The following ABCA13 variants were observed in gnomAD, a reference collection of about 807,000 sequenced individuals.
ABCA13 encodes ATP-binding cassette sub-family A member 13.
Under a neutral mutation model 478.7 loss-of-function variants are expected in ABCA13, and 476 were observed. The ratio of observed to expected loss-of-function variants is 0.99; its 90% CI spans 0.92 to 1.07. ABCA13 has a LOEUF of 1.07. Among genes scored for constraint, ABCA13 ranks in the 50% least tolerant of loss-of-function variants. The pLI is 0.00. For synonymous variants in ABCA13, 2,252 were observed against 2,158.9 expected, an observed-to-expected ratio of 1.04 and a Z score of -1.20; for missense variants, 6,060 against 5,910.6, an observed-to-expected ratio of 1.03 and a Z score of -0.83.
intron 39 of ABCA13, chr7:48,404,131 A>G: frequency 2.4e-6 from 1 of 419,696 alleles, no homozygotes; most frequent in South Asian, 1.9e-5. Flanking sequence ...ATTATACATT[A>G]TCATACATGA....
intron 58 of ABCA13, among the ~76,000 whole-genome samples, chr7:48,612,677 T>A (rs1203099539): frequency 6.6e-6 from 1 of 152,222 alleles, no homozygotes; most frequent in East Asian, 1.9e-4. Flanking sequence ...TTAACCTGTT[T>A]CCAGATGCTT....
intron 1 of ABCA13, among the ~76,000 whole-genome samples, chr7:48,187,115 G>C (rs996837701): frequency 4.0e-5 from 6 of 148,536 alleles, no homozygotes; most frequent in Non-Finnish European, 8.9e-5. Context: ...TGTAAAATTT[G>C]TTGTTTAAAG....
At chr7:48,574,245 G>A (rs1166454469) in intron 55 of ABCA13, among the ~76,000 whole-genome samples, 1 of 152,008 alleles carries the variant, frequency 6.6e-6, no homozygotes. Flanking sequence ...GCTTTGATAT[G>A]GAATTAGAAT....
Position 48,274,935 on chromosome 7 carries a change from C to T in ABCA13, c.5269C>T (p.Leu1757=), listed in dbSNP as rs558442974. ...TGTGCTTCCTCATGCTGTAAGGCTC[C>T]TGCAGGGAGTACCTGGTAAAAACAT... ...YYVLPHAVRL[L]QGVPGKNITE... The change falls in exon 17 of 62, where the codon CTG becomes TTG. Residue 1757 remains leucine (L), a synonymous_variant. Coordinates refer to ENST00000435803, the MANE Select transcript of ABCA13 (RefSeq NM_152701.5). The T allele has an allele frequency of 2.1e-5, 34 of 1,613,796 alleles. No homozygotes were observed. In the African/African-American group the frequency reaches 3.9e-4, roughly 18 times the overall value.
At chr7:48,543,810 C>A (rs1315032152) in intron 55 of ABCA13, among the ~76,000 whole-genome samples, 1 of 151,470 alleles carries the variant, frequency 6.6e-6, no homozygotes, top group Non-Finnish European at 1.5e-5. Context: ...TGCACAATTT[C>A]ATGAAGGTAT....
chr7:48,517,799 C>G lies in ABCA13; in HGVS notation c.13797+918C>G, dbSNP rs548981346. Among the ~76,000 whole-genome samples, 3 of 152,294 alleles carry G rather than the reference C, an allele frequency of 2.0e-5. No individual in the cohort carries two copies. In the East Asian group the frequency reaches 5.8e-4, roughly 29 times the overall value. On this transcript the variant is annotated intron_variant, in intron 52 of 61. Transcript: ENST00000435803. ...CTGCTGCTTATATGGAGTCTGATTC[C>G]TCAGTAGTTCCCAAATGTTTGGCCA...
At chr7:48,416,644 C>G (rs374451655) in intron 41 of ABCA13, among the ~76,000 whole-genome samples, 1 of 152,058 alleles carries the variant, frequency 6.6e-6, no homozygotes, top group Non-Finnish European at 1.5e-5. Flanking sequence ...GATCCCCAGT[C>G]GGAGAGTGCC....
Position 48,275,704 on chromosome 7 carries a change from G to A in ABCA13, c.6038G>A (p.Trp2013Ter). ...ERTVQLISED[W>*]SLEKSTHNLL... Reference sequence around the variant, plus strand: ...ACAGTACAATTGATTTCTGAAGACTGGAGCCTAGAAAAAAGTACGCATAAT... The same window carrying A: ...ACAGTACAATTGATTTCTGAAGACTAGAGCCTAGAAAAAAGTACGCATAAT... The change falls in exon 17 of 62, where the codon TGG becomes TAG. Residue 2013 changes from tryptophan to a stop codon, truncating the protein, a stop_gained. Coordinates refer to ENST00000435803, the MANE Select transcript of ABCA13 (RefSeq NM_152701.5). LOFTEE classifies it high-confidence loss of function. The A allele has an allele frequency of 6.3e-7, 1 of 1,599,916 alleles. No homozygotes were observed.
chr7:48,313,286 A>T, intron 25 of ABCA13, 55 bp downstream of exon 25: 1 of 1,527,322 alleles, frequency 6.5e-7, no homozygotes, highest in Non-Finnish European at 8.8e-7. Flanking sequence ...CCTTCTTTGT[A>T]TTTGCCCCTT....
chr7:48,295,563 C>T, intron 20 of ABCA13, 137 bp from the exon 21 acceptor site: 1 of 1,096,500 alleles, frequency 9.1e-7, no homozygotes, highest in Non-Finnish European at 1.3e-6. Flanking sequence ...CAGCCAAGGG[C>T]TCTTTCTACT....
chr7:48,465,945 C>T (rs1010354960), intron 43 of ABCA13, among the ~76,000 whole-genome samples: 1 of 151,894 alleles, frequency 6.6e-6, no homozygotes. Flanking sequence ...ATAATTCTTT[C>T]CAAAAAGAAT....
intron 48 of ABCA13, among the ~76,000 whole-genome samples, chr7:48,491,185 G>A (rs1829808224): frequency 6.6e-6 from 1 of 152,200 alleles, no homozygotes; most frequent in Non-Finnish European, 1.5e-5. Context: ...CACATACATA[G>A]ATGAAAATGT....
chr7:48,268,243 CCCT>C (rs1795122963), intron 15 of ABCA13, among the ~76,000 whole-genome samples: 1 of 151,928 alleles, frequency 6.6e-6, no homozygotes, highest in Admixed American at 6.6e-5. Flanking sequence ...TGCAATCTCC[CCCT>C]CCCGGGTTCA....
chr7:48,492,329 C>G (rs759105204), intron 48 of ABCA13, among the ~76,000 whole-genome samples: 43 of 152,214 alleles, frequency 2.8e-4, no homozygotes, highest in Admixed American at 5.2e-4. Context: ...GCTTAACTTT[C>G]TAGGCCCATC....
rs762431896 is a variant in ABCA13, at chr7:48,248,360, G to A, written c.1781G>A (p.Arg594Gln). ...QLSEASLSCTRLFLLLGADPS... is the reference protein window; with the variant it reads ...QLSEASLSCTQLFLLLGADPS... The stretch of plus-strand genomic sequence containing the variant: ...TCAGAAGCAAGCCTTTCCTGTACTC[G>A]GCTCTTCCTGCTGCTGGGAGCTGAT... The change falls in exon 14 of 62, where the codon CGG (arginine) becomes CAG (glutamine). Residue 594 changes from arginine (R) to glutamine (Q), a missense_variant. This residue lies in a region of ABCA13 where 4,423 missense variants were observed against 4,309.1 expected (regional missense o/e 1.03). Coordinates refer to ENST00000435803, the MANE Select transcript of ABCA13 (RefSeq NM_152701.5). 29 of 1,613,576 alleles carry A rather than the reference G, an allele frequency of 1.8e-5. No individual in the cohort carries two copies. Among genetic ancestry groups the A allele is most frequent in the Non-Finnish European group, 2.3e-5 (27 of 1,179,742 alleles).
At chr7:48,491,977 G>T (rs1220350763) in intron 48 of ABCA13, among the ~76,000 whole-genome samples, 2 of 152,156 alleles carry the variant, frequency 1.3e-5, no homozygotes, top group Non-Finnish European at 2.9e-5. Flanking sequence ...TGAATGAACG[G>T]ATCATTATAC....
intron 15 of ABCA13, among the ~76,000 whole-genome samples, chr7:48,266,950 T>C (rs891665575): frequency 6.6e-6 from 1 of 152,010 alleles, no homozygotes; most frequent in African/African-American, 2.4e-5. Context: ...CTATGAGTTA[T>C]TTAGAAGTGT....
At chr7:48,175,420 A>ATAT (rs902959977) in intron 1 of ABCA13, among the ~76,000 whole-genome samples, 1 of 151,844 alleles carries the variant, frequency 6.6e-6, no homozygotes, top group Admixed American at 6.6e-5. Context: ...GCTATATGAT[A>ATAT]TATTATTATT....
chr7:48,577,961 A>C (rs1430527793), intron 55 of ABCA13, among the ~76,000 whole-genome samples: 1 of 152,180 alleles, frequency 6.6e-6, no homozygotes, highest in African/African-American at 2.4e-5. Context: ...ACAATAGAAT[A>C]AAAGGAAAAG....
Sources: allele counts gnomAD v4.1 joint callset (sites outside exome capture counted in the v4.1 genomes callset), GRCh38; gene constraint gnomAD v4.1.1; regional missense constraint gnomAD v4.1.1; transcripts MANE v1.5; gene names NCBI Gene and HGNC (gene_info 2026-07-23, HGNC 2026-07-21).